LRRC4C: variants seen among roughly 807,000 people sequenced by gnomAD.
LRRC4C encodes leucine rich repeat containing 4C.
Under a neutral mutation model 33.6 loss-of-function variants are expected in LRRC4C, and 5 were observed. The observed-to-expected ratio is 0.15, with a 90% CI of 0.08 to 0.31. The LOEUF (loss-of-function observed/expected upper bound fraction) is 0.31. Among genes scored for constraint, LRRC4C ranks in the 10% least tolerant of loss-of-function variants. The pLI is 1.00. For missense variants in LRRC4C, 560 were observed against 796.7 expected (o/e 0.70, Z 3.58); for synonymous variants, 329 against 302.0 (o/e 1.09, Z -0.93).
intron 3 of LRRC4C, among the ~76,000 whole-genome samples, chr11:40,327,317 G>A (rs906505370): frequency 4.9e-3 from 159 of 32,290 alleles, no homozygotes; most frequent in Non-Finnish European, 5.3e-3. Flanking sequence ...ACATAGAGAG[G>A]CCATTTTTTT....
chr11:40,846,296 G>A (rs1007981083), intron 2 of LRRC4C, among the ~76,000 whole-genome samples: 3 of 152,060 alleles, frequency 2.0e-5, no homozygotes, highest in African/African-American at 7.2e-5. Flanking sequence ...TTCTTGTAGG[G>A]TTTTTATGGT....
At chr11:41,246,284 G>A (rs1331577536) in intron 1 of LRRC4C, among the ~76,000 whole-genome samples, 1 of 152,148 alleles carries the variant, frequency 6.6e-6, no homozygotes, top group Non-Finnish European at 1.5e-5. Context: ...GGGCTAGTGT[G>A]TGTCAGTGCT....
intron 3 of LRRC4C, among the ~76,000 whole-genome samples, chr11:40,373,694 G>A (rs188263766): frequency 1.3e-5 from 2 of 152,202 alleles, no homozygotes; most frequent in Admixed American, 1.3e-4. Flanking sequence ...CCATCCCCTT[G>A]GTGATCAGTG....
rs972631047 is a variant in LRRC4C at position 41,332,349 on chromosome 11, A to T, written c.-496+127082T>A. On this transcript the variant is annotated intron_variant, in intron 1 of 6. Coordinates refer to ENST00000528697, the MANE Select transcript of LRRC4C (RefSeq NM_001258419.2). ...TAATATAATACTTTAGGGTTTTTTT[A>T]AAAATAACTTTCTTCATAAGTGCCC... Among the ~76,000 whole-genome samples, 9 of 152,226 alleles carry T rather than the reference A, an allele frequency of 5.9e-5. No individual in the cohort carries two copies. The South Asian group carries it at 1.0e-3, about 18-fold the overall frequency.
chr11:40,450,308 A>G (rs1951826320), intron 3 of LRRC4C, among the ~76,000 whole-genome samples: 1 of 152,176 alleles, frequency 6.6e-6, no homozygotes, highest in Non-Finnish European at 1.5e-5. Flanking sequence ...TATGTGTTAA[A>G]TAGTTTTGTT....
chr11:40,712,172 G>T (rs2136600482), intron 2 of LRRC4C, among the ~76,000 whole-genome samples: 1 of 152,208 alleles, frequency 6.6e-6, no homozygotes. Flanking sequence ...CAAATGCTCT[G>T]CATTTTTCTT....
At chr11:40,644,294 G>A (rs1942307108) in intron 3 of LRRC4C, among the ~76,000 whole-genome samples, 1 of 152,118 alleles carries the variant, frequency 6.6e-6, no homozygotes, top group Non-Finnish European at 1.5e-5. Context: ...TCTGTAAAAG[G>A]ATTAAGAGGA....
At chr11:41,221,764 A>G (rs1213856257) in intron 1 of LRRC4C, among the ~76,000 whole-genome samples, 1 of 152,222 alleles carries the variant, frequency 6.6e-6, no homozygotes, top group African/African-American at 2.4e-5. Context: ...TGCAAGATAT[A>G]CAAATAGAAT....
chr11:41,400,755 A>G (rs1953995473), intron 1 of LRRC4C, among the ~76,000 whole-genome samples: 1 of 151,894 alleles, frequency 6.6e-6, no homozygotes, highest in Non-Finnish European at 1.5e-5. Flanking sequence ...TTGTGTCCAT[A>G]TGAGATTAGA....
At chr11:40,632,404 A>C (rs1378190151) in intron 3 of LRRC4C, among the ~76,000 whole-genome samples, 1 of 152,182 alleles carries the variant, frequency 6.6e-6, no homozygotes. Flanking sequence ...GTCAAGAAGG[A>C]AGTAGATTGA....
intron 3 of LRRC4C, among the ~76,000 whole-genome samples, chr11:40,604,952 C>T (rs1960411480): frequency 6.6e-6 from 1 of 152,144 alleles, no homozygotes; most frequent in East Asian, 1.9e-4. Flanking sequence ...TCTGACATTC[C>T]CTAAGCAGGG....
At chr11:40,378,698 C>T (rs189833418) in intron 3 of LRRC4C, among the ~76,000 whole-genome samples, 1 of 152,020 alleles carries the variant, frequency 6.6e-6, no homozygotes, top group South Asian at 2.1e-4. Context: ...ATAGCTAAAA[C>T]GTCCCTTCCA....
In LRRC4C at chr11:40,632,244, C is replaced by A. The variant is rs575231208; in HGVS notation, c.-270+15898G>T. Among the ~76,000 whole-genome samples, 12 of 152,270 alleles carry A rather than the reference C, an allele frequency of 7.9e-5. No homozygotes were observed. In the East Asian group the frequency reaches 1.9e-3, roughly 24 times the overall value. On this transcript the variant is annotated intron_variant, in intron 3 of 6. Transcript: ENST00000528697. Reference sequence around the variant, plus strand: ...TGTTTTGAAAAAGCTGGCCCAGACTCAAAAATAAATATTTTGTATCATCTT... The same window carrying A: ...TGTTTTGAAAAAGCTGGCCCAGACTAAAAAATAAATATTTTGTATCATCTT...
chr11:40,797,437 T>G (rs1404478672), intron 2 of LRRC4C, among the ~76,000 whole-genome samples: 1 of 152,164 alleles, frequency 6.6e-6, no homozygotes, highest in Admixed American at 6.5e-5. Flanking sequence ...CATAGGGATT[T>G]GGGTCAAAAA....
chr11:40,607,307 C>T (rs536383715), intron 3 of LRRC4C, among the ~76,000 whole-genome samples: 2 of 152,230 alleles, frequency 1.3e-5, no homozygotes, highest in South Asian at 4.1e-4. Context: ...CCGGCCTCTG[C>T]CCACAGACCT....
chr11:40,168,487 T>G (rs1429363600), intron 5 of LRRC4C, among the ~76,000 whole-genome samples: 1 of 152,156 alleles, frequency 6.6e-6, no homozygotes, highest in African/African-American at 2.4e-5. Context: ...TTGGTCACAT[T>G]AAATAGAAGA....
In LRRC4C at chr11:40,314,863, A is replaced by C. The variant is rs550091039; in HGVS notation, c.-176+4765T>G. On this transcript the variant is annotated intron_variant, in intron 4 of 6. Coordinates refer to ENST00000528697, the MANE Select transcript of LRRC4C (RefSeq NM_001258419.2). ...GCTAAAAAAAAGTTGATCTCATAAT[A>C]GTAAAAAGTAGAACAGAAGATAGTA... Among the ~76,000 whole-genome samples, 3 of 152,208 alleles carry C rather than the reference A, an allele frequency of 2.0e-5. No homozygotes were observed. The South Asian group carries it at 6.2e-4, about 31-fold the overall frequency.
At chr11:40,567,728 G>T (rs1415415846) in intron 3 of LRRC4C, among the ~76,000 whole-genome samples, 1 of 152,194 alleles carries the variant, frequency 6.6e-6, no homozygotes, top group Non-Finnish European at 1.5e-5. Flanking sequence ...TTTCTGCTAA[G>T]AGTCAGATAA....
intron 3 of LRRC4C, among the ~76,000 whole-genome samples, chr11:40,525,737 G>A (rs1956020146): frequency 6.6e-6 from 1 of 150,402 alleles, no homozygotes; most frequent in Non-Finnish European, 1.5e-5. Context: ...TTTTTTTTGA[G>A]ATTGGGAAGC....
Sources: allele counts gnomAD v4.1 joint callset (sites outside exome capture counted in the v4.1 genomes callset), GRCh38; gene constraint gnomAD v4.1.1; transcripts MANE v1.5; gene names NCBI Gene and HGNC (gene_info 2026-07-23, HGNC 2026-07-21).